The following SPIDR variants were observed in gnomAD, a reference collection of about 807,000 sequenced individuals.
The protein encoded by SPIDR is DNA repair-scaffolding protein.
Under a neutral mutation model 104.6 loss-of-function variants are expected in SPIDR, and 93 were observed. That is an observed-to-expected ratio of 0.89 (90% CI 0.75 to 1.06). SPIDR has a LOEUF of 1.06. Among genes scored for constraint, SPIDR ranks in the 50% least tolerant of loss-of-function variants. The pLI, the probability that SPIDR is intolerant of heterozygous loss-of-function variation, is 0.00. For missense variants in SPIDR, 1,154 were observed against 1,111.2 expected (o/e 1.04, Z -0.55); for synonymous variants, 431 against 416.9 (o/e 1.03, Z -0.41).
At chr8:47,653,658 G>T (rs1179078970) in intron 10 of SPIDR, among the ~76,000 whole-genome samples, 2 of 152,100 alleles carry the variant, frequency 1.3e-5, no homozygotes, top group African/African-American at 4.8e-5. Flanking sequence ...CCCCAGGAGG[G>T]CTGAATAAAT....
intron 8 of SPIDR, among the ~76,000 whole-genome samples, chr8:47,485,028 G>A (rs548565024): frequency 5.3e-5 from 8 of 152,332 alleles, no homozygotes; most frequent in South Asian, 4.1e-4. Flanking sequence ...CCCACCAAGC[G>A]TGAGCTGAAG....
chr8:47,390,976 C>T (rs1241461847), intron 5 of SPIDR, among the ~76,000 whole-genome samples: 1 of 152,120 alleles, frequency 6.6e-6, no homozygotes, highest in Non-Finnish European at 1.5e-5. Flanking sequence ...CTCTCTCTTC[C>T]ACCCTCTCTG....
intron 19 of SPIDR, among the ~76,000 whole-genome samples, chr8:47,731,769 A>G (rs1358909060): frequency 1.3e-5 from 2 of 152,210 alleles, no homozygotes; most frequent in African/African-American, 4.8e-5. Context: ...GGGAGGAAGA[A>G]AGGAGGAGGC....
At chr8:47,689,700 C>T (rs2078349716) in intron 11 of SPIDR, among the ~76,000 whole-genome samples, 1 of 152,116 alleles carries the variant, frequency 6.6e-6, no homozygotes, top group Admixed American at 6.5e-5. Flanking sequence ...CTGACTGTGA[C>T]ATAAGCCACA....
At chr8:47,714,726 G>A (rs1161394716) in intron 16 of SPIDR, among the ~76,000 whole-genome samples, 1 of 152,160 alleles carries the variant, frequency 6.6e-6, no homozygotes, top group Non-Finnish European at 1.5e-5. Context: ...AGGGATGTCC[G>A]TCCAGGTGGG....
intron 8 of SPIDR, among the ~76,000 whole-genome samples, chr8:47,488,661 G>A (rs1231362367): frequency 6.6e-6 from 1 of 152,184 alleles, no homozygotes; most frequent in Non-Finnish European, 1.5e-5. Context: ...CCATGATCAA[G>A]TGGGCTTCAT....
At chr8:47,567,756 CTTCTTTTCTT>C (rs1318687559) in intron 8 of SPIDR, among the ~76,000 whole-genome samples, 1 of 134,276 alleles carries the variant, frequency 7.4e-6, no homozygotes, top group African/African-American at 2.7e-5. Flanking sequence ...CTTTTGTTTT[CTTCTTTTCTT>C]TTCTTTTCTT....
At chr8:47,276,003 C>T (rs1377027390) in intron 1 of SPIDR, among the ~76,000 whole-genome samples, 2 of 152,108 alleles carry the variant, frequency 1.3e-5, no homozygotes, top group Non-Finnish European at 2.9e-5. Context: ...ACTACAGGAA[C>T]ACGCCACCAG....
intron 8 of SPIDR, among the ~76,000 whole-genome samples, chr8:47,464,939 T>G (rs1181115472): frequency 6.6e-6 from 1 of 152,038 alleles, no homozygotes; most frequent in Non-Finnish European, 1.5e-5. Context: ...TGGCTAATTT[T>G]TGTATTTTTA....
chr8:47,359,102 A>AG (rs1554628050), intron 5 of SPIDR, among the ~76,000 whole-genome samples: 1 of 151,784 alleles, frequency 6.6e-6, no homozygotes, highest in Non-Finnish European at 1.5e-5. Flanking sequence ...TAAAAAAAAA[A>AG]GTTTTTTTTT....
chr8:47,291,419 A>G (rs943383980), intron 4 of SPIDR, among the ~76,000 whole-genome samples: 5 of 152,354 alleles, frequency 3.3e-5, no homozygotes, highest in East Asian at 1.9e-4. Flanking sequence ...AAAATGGTAT[A>G]GCCACTCTGG....
chr8:47,414,283 C>G (rs1049540692), intron 7 of SPIDR, among the ~76,000 whole-genome samples: 3 of 152,174 alleles, frequency 2.0e-5, no homozygotes, highest in Admixed American at 6.5e-5. Context: ...GACAGAGTGT[C>G]TTCTGCTTCT....
At chr8:47,286,331 C>A (rs2038842865) in intron 3 of SPIDR, among the ~76,000 whole-genome samples, 1 of 152,160 alleles carries the variant, frequency 6.6e-6, no homozygotes, top group South Asian at 2.1e-4. Flanking sequence ...AAGTCCTTTC[C>A]AATGAATGAC....
At chr8:47,660,532 C>T (rs2154463047) in intron 10 of SPIDR, 1 of 985,352 alleles carries the variant, frequency 1.0e-6, no homozygotes, top group African/African-American at 1.7e-5. Context: ...TGCTGCTACC[C>T]TGTTCCCCTG....
intron 8 of SPIDR, among the ~76,000 whole-genome samples, chr8:47,456,097 A>G (rs1586011209): frequency 6.6e-6 from 1 of 152,220 alleles, no homozygotes; most frequent in South Asian, 2.1e-4. Flanking sequence ...TTAAGCCACA[A>G]AACAAAGTGT....
At chr8:47,343,904 C>G (rs560493308) in intron 5 of SPIDR, among the ~76,000 whole-genome samples, 1 of 151,668 alleles carries the variant, frequency 6.6e-6, no homozygotes, top group Non-Finnish European at 1.5e-5. Context: ...GACATTCTTA[C>G]GTATTTAATC....
intron 5 of SPIDR, among the ~76,000 whole-genome samples, chr8:47,303,667 T>G (rs1296125708): frequency 6.6e-6 from 1 of 152,240 alleles, no homozygotes; most frequent in South Asian, 2.1e-4. Flanking sequence ...ATTTATTTAT[T>G]TGCATATGTT....
intron 7 of SPIDR, among the ~76,000 whole-genome samples, chr8:47,419,497 A>T (rs1389943327): frequency 1.1e-4 from 17 of 151,340 alleles, no homozygotes; most frequent in African/African-American, 3.9e-4. Context: ...CGTCTATTTG[A>T]TTCTTCTCTC....
At chr8:47,552,887 A>G (rs1442467079) in intron 8 of SPIDR, among the ~76,000 whole-genome samples, 2 of 152,262 alleles carry the variant, frequency 1.3e-5, no homozygotes, top group East Asian at 3.9e-4. Context: ...ATGTTTTTGC[A>G]GTGGCTGGTA....
Sources: gnomAD v4.1 joint callset for allele counts (sites outside exome capture counted in the v4.1 genomes callset) on GRCh38, gnomAD v4.1.1 for gene constraint, MANE v1.5 for transcripts, NCBI Gene and HGNC (gene_info 2026-07-23, HGNC 2026-07-21) for gene names.